The following CAMTA1 variants were observed in gnomAD, a reference collection of about 807,000 sequenced individuals.
The protein encoded by CAMTA1 is calmodulin binding transcription activator 1, also known as calmodulin-binding transcription activator 1.
CAMTA1 carries 27 observed loss-of-function variants against 170.9 expected under a neutral mutation model. The ratio of observed to expected loss-of-function variants is 0.16; its 90% CI spans 0.12 to 0.22. CAMTA1 has a LOEUF of 0.22. CAMTA1 is among the 10% of genes least tolerant of loss of function. The probability of loss-of-function intolerance (pLI) is 1.00; values close to 1 mark genes in which losing one functional copy is unlikely to be tolerated. For synonymous variants in CAMTA1, 833 were observed against 891.5 expected (o/e 0.93, Z 1.17); for missense variants, 1,619 against 2,217.2 (o/e 0.73, Z 5.42).
intron 4 of CAMTA1, among the ~76,000 whole-genome samples, chr1:7,225,381 G>C (rs1443450884): frequency 6.6e-6 from 1 of 152,170 alleles, no homozygotes; most frequent in Non-Finnish European, 1.5e-5. Context: ...ACCGTGCCCG[G>C]CCAGCAGATC....
chr1:7,234,451 TGCGTCATTG>T lies in CAMTA1; in HGVS notation c.303-15039_303-15031del, dbSNP rs758030429. On this transcript the variant is annotated intron_variant, in intron 4 of 22. Coordinates refer to ENST00000303635, the MANE Select transcript of CAMTA1 (RefSeq NM_015215.4). This position sits in a 1 kb window ranked among gnomAD's most constrained non-coding sequence, Gnocchi z 5.0. ...GGGGCCTGCCCAGGGCGGGCCTCTG[TGCGTCATTG>T]TTCTTCCTCCCTACCGGACTGCAAG... Among the ~76,000 whole-genome samples the T allele has an allele frequency of 6.6e-6, 1 of 152,198 alleles. No individual in the cohort carries two copies. Among genetic ancestry groups the T allele is most frequent in the Non-Finnish European group, 1.5e-5 (1 of 68,024 alleles).
rs2096634097 is a variant in CAMTA1, at chr1:7,719,273, A to G, written c.2915-13175A>G. On this transcript the variant is annotated intron_variant, in intron 11 of 22. Transcript: ENST00000303635. ...GCTGCCTGAATGTTCCTTGGAGAAT[A>G]GGTTTGAGATTTTCACCCTGAGACA... Among the ~76,000 whole-genome samples the G allele has an allele frequency of 2.6e-5, 4 of 152,146 alleles. No individual in the cohort carries two copies. In the South Asian group the frequency reaches 8.3e-4, roughly 32 times the overall value.
rs1340489911 is a variant in CAMTA1, at chr1:7,144,525, C to T, written c.302+53154C>T. 6.6e-6 allele frequency among the ~76,000 whole-genome samples: 1 copy of T among 152,148 alleles called. No individual in the cohort carries two copies. The highest frequency in any genetic ancestry group is 2.4e-5 in the African/African-American group (1 of 41,438). On this transcript the variant is annotated intron_variant, in intron 4 of 22. Coordinates refer to ENST00000303635, the MANE Select transcript of CAMTA1 (RefSeq NM_015215.4). This position sits in a 1 kb window ranked among gnomAD's most constrained non-coding sequence, Gnocchi z 4.0. ...GCTATCAGGACCGATATATATAACA[C>T]TAGGCAGGATTAGAAGATTTGCCTT...
At chr1:7,524,515 G>T (rs187457682) in intron 6 of CAMTA1, among the ~76,000 whole-genome samples, 1 of 152,050 alleles carries the variant, frequency 6.6e-6, no homozygotes, top group African/African-American at 2.4e-5. Flanking sequence ...TACTGTGTTG[G>T]GTGAGGGCGG....
Position 7,743,263 on chromosome 1 carries a change from G to T in CAMTA1, c.4183-1572G>T, listed in dbSNP as rs1013074085. On this transcript the variant is annotated intron_variant, in intron 16 of 22. Transcript: ENST00000303635. ...AATAAGCATTTTTAACAGCTTTATTGAGGTATAATTTACGTATGATAAAAA... is the reference window on the plus strand; with the variant it reads ...AATAAGCATTTTTAACAGCTTTATTTAGGTATAATTTACGTATGATAAAAA... Among the ~76,000 whole-genome samples the T allele has an allele frequency of 2.0e-5, 3 of 151,798 alleles. No homozygotes were observed. In the South Asian group the frequency reaches 6.3e-4, roughly 32 times the overall value.
At chr1:7,468,892 G>A (rs2093273743) in intron 6 of CAMTA1, among the ~76,000 whole-genome samples, 1 of 152,180 alleles carries the variant, frequency 6.6e-6, no homozygotes. Context: ...CACAAGCTCA[G>A]GGAGAAAAGA....
chr1:7,729,571 G>A (rs994511621), intron 11 of CAMTA1, among the ~76,000 whole-genome samples: 14 of 152,270 alleles, frequency 9.2e-5, no homozygotes, highest in African/African-American at 3.4e-4. Flanking sequence ...TGAGAATATT[G>A]TCTCCTTCTG....
intron 6 of CAMTA1, among the ~76,000 whole-genome samples, chr1:7,602,121 TTCCTTCCTTCC>T (rs1557986584): frequency 7.1e-6 from 1 of 141,294 alleles, no homozygotes; most frequent in Non-Finnish European, 1.5e-5. Context: ...CCTTCCTTCC[TTCCTTCCTTCC>T]TTCCTTCCTT....
intron 1 of CAMTA1, among the ~76,000 whole-genome samples, chr1:6,816,631 A>G (rs898934876): frequency 1.3e-5 from 2 of 152,202 alleles, no homozygotes; most frequent in Non-Finnish European, 2.9e-5. Context: ...CTGACTTGAA[A>G]GCTTGTGCTT....
At chr1:7,105,858 C>G (rs1300230434) in intron 4 of CAMTA1, among the ~76,000 whole-genome samples, 1 of 151,820 alleles carries the variant, frequency 6.6e-6, no homozygotes, top group Non-Finnish European at 1.5e-5. Context: ...GGAGGATCAC[C>G]TGAGCCCAGG....
In CAMTA1 at chr1:7,565,239, C is replaced by T. The variant is rs532476255; in HGVS notation, c.511-75161C>T. 9.3e-4 allele frequency among the ~76,000 whole-genome samples: 141 copies of T among 152,256 alleles called. 1 individual carries two copies. Among genetic ancestry groups the T allele is most frequent in the Middle Eastern group, 3.4e-3 (1 of 294 alleles). On this transcript the variant is annotated intron_variant, in intron 6 of 22. Transcript: ENST00000303635. The surrounding 1 kb of genome is among the most constrained non-coding windows in gnomAD (Gnocchi z 4.5). ...CCTCCTCATTCCCCGGAGAAGCACC[C>T]AGAGAGATGTAGCTGCCATAAAGGG...
chr1:6,858,007 C>T (rs1330560326), intron 3 of CAMTA1, among the ~76,000 whole-genome samples: 1 of 152,062 alleles, frequency 6.6e-6, no homozygotes, highest in Non-Finnish European at 1.5e-5. Flanking sequence ...TGGTGCCTGG[C>T]ACATAGTAAA....
At chr1:7,401,545 T>A (rs1443038500) in intron 5 of CAMTA1, among the ~76,000 whole-genome samples, 1 of 152,184 alleles carries the variant, frequency 6.6e-6, no homozygotes, top group Non-Finnish European at 1.5e-5. Context: ...CTTCTGGGAA[T>A]TTAATCGGAA....
intron 1 of CAMTA1, among the ~76,000 whole-genome samples, chr1:6,796,170 C>G (rs1642460937): frequency 8.8e-6 from 1 of 114,064 alleles, no homozygotes. Flanking sequence ...GAGACGGTCT[C>G]ACTGTGTCAC....
intron 3 of CAMTA1, among the ~76,000 whole-genome samples, chr1:6,858,983 C>T (rs1663589071): frequency 6.6e-6 from 1 of 152,122 alleles, no homozygotes; most frequent in Admixed American, 6.5e-5. Context: ...TTGCTGTCCC[C>T]TCCCATAGAA....
intron 6 of CAMTA1, among the ~76,000 whole-genome samples, chr1:7,608,122 G>A (rs1403283714): frequency 6.6e-6 from 1 of 152,192 alleles, no homozygotes; most frequent in East Asian, 1.9e-4. Context: ...TGCAGCTGCT[G>A]ACCCATGGCA....
At chr1:7,688,602 G>A (rs1468755367) in intron 11 of CAMTA1, among the ~76,000 whole-genome samples, 4 of 152,288 alleles carry the variant, frequency 2.6e-5, no homozygotes, top group South Asian at 4.1e-4. Flanking sequence ...GCTGGTTGGG[G>A]GCTAGGGCAG....
chr1:6,810,798 C>T (rs138784739), intron 1 of CAMTA1, among the ~76,000 whole-genome samples: 9 of 151,258 alleles, frequency 6.0e-5, no homozygotes, highest in South Asian at 4.2e-4. Flanking sequence ...AGCGAGACTC[C>T]GTTTCAAAAA....
intron 3 of CAMTA1, among the ~76,000 whole-genome samples, chr1:7,020,562 G>A (rs1701198284): frequency 1.3e-5 from 2 of 152,238 alleles, no homozygotes; most frequent in South Asian, 4.1e-4. Context: ...GACTGTATAG[G>A]CAACAAACAG....
Sources: gnomAD v4.1 joint callset for allele counts (sites outside exome capture counted in the v4.1 genomes callset) on GRCh38, gnomAD v4.1.1 for gene constraint, Gnocchi (gnomAD v3.1) non-coding constraint, MANE v1.5 for transcripts, NCBI Gene and HGNC (gene_info 2026-07-23, HGNC 2026-07-21) for gene names.